The following ZNF829 variants were observed in gnomAD, a reference collection of about 807,000 sequenced individuals.
ZNF829 encodes zinc finger protein 829.
Under a neutral mutation model 35.2 loss-of-function variants are expected in ZNF829, and 25 were observed. That is an observed-to-expected ratio of 0.71 (90% CI 0.52 to 0.99). The LOEUF is 0.99. Among genes scored for constraint, ZNF829 ranks in the 50% least tolerant of loss-of-function variants. The probability of loss-of-function intolerance (pLI) is 0.00; values close to 1 mark genes in which losing one functional copy is unlikely to be tolerated. For synonymous variants in ZNF829, 136 were observed against 163.2 expected (o/e 0.83, Z 1.27); for missense variants, 417 against 515.3 (o/e 0.81, Z 1.85).
chr19:36,909,060 A>C (rs1468976311), intron 3 of ZNF829, among the ~76,000 whole-genome samples: 1 of 152,220 alleles, frequency 6.6e-6, no homozygotes. Flanking sequence ...TACATGTTCC[A>C]TCAAAACTAG....
chr19:36,901,943 C>G (rs896501565), intron 5 of ZNF829: 1 of 759,506 alleles, frequency 1.3e-6, no homozygotes, highest in Admixed American at 1.7e-5. Flanking sequence ...TGATACCAGG[C>G]TCAACAAAGC....
chr19:36,892,041 C>T lies in ZNF829; in HGVS notation c.750G>A (p.Lys250=). 6.2e-7 allele frequency: 1 copy of T among 1,613,142 alleles called. No individual in the cohort carries two copies. The highest frequency in any genetic ancestry group is 1.1e-5 in the South Asian group (1 of 91,000). Residue 250 remains lysine, a synonymous_variant, in exon 6 of 6, where the codon AAG becomes AAA. Coordinates refer to ENST00000391711, the MANE Select transcript of ZNF829 (RefSeq NM_001037232.4). ...YECKECGKAF[K]YCSNLNDHQR... ...GATGATCATTAAGGTTTGAGCAATACTTAAAGGCTTTTCCACATTCCTTAC... is the reference window on the plus strand; with the variant it reads ...GATGATCATTAAGGTTTGAGCAATATTTAAAGGCTTTTCCACATTCCTTAC...
At chr19:36,896,091 C>G (rs191088380) in intron 5 of ZNF829, among the ~76,000 whole-genome samples, 9 of 152,066 alleles carry the variant, frequency 5.9e-5, no homozygotes, top group Admixed American at 2.6e-4. Flanking sequence ...GCAGGCAGAT[C>G]ACGAGGTCAG....
intron 5 of ZNF829, among the ~76,000 whole-genome samples, chr19:36,893,777 A>C (rs145181435): frequency 6.6e-6 from 1 of 152,260 alleles, no homozygotes; most frequent in African/African-American, 2.4e-5. Flanking sequence ...GTCCTCATTT[A>C]ATTACTGAAT....
At position 36,907,925 on chromosome 19, in the gene ZNF829, T is replaced by C; in HGVS notation, c.319+4A>G. On this transcript the variant is annotated splice_donor_region_variant and intron_variant, in intron 5 of 5. Transcript: ENST00000391711. ...CTGCTCCTGAGCCATCATCTCTTACTTACCTGAACACAGGCCTCTAGTCAG... is the reference window on the plus strand; with the variant it reads ...CTGCTCCTGAGCCATCATCTCTTACCTACCTGAACACAGGCCTCTAGTCAG... The C allele has an allele frequency of 6.2e-7, 1 of 1,612,782 alleles. No individual in the cohort carries two copies. Among genetic ancestry groups the C allele is most frequent in the Non-Finnish European group, 8.5e-7 (1 of 1,179,054 alleles).
At chr19:36,902,117 T>A (rs1403525602) in intron 5 of ZNF829, 5 of 375,896 alleles carry the variant, frequency 1.3e-5, no homozygotes, top group African/African-American at 1.1e-4. Context: ...GGATGAGAAC[T>A]AATCACTGAT....
intron 5 of ZNF829, among the ~76,000 whole-genome samples, chr19:36,904,192 C>T (rs1024583110): frequency 6.6e-6 from 1 of 152,088 alleles, no homozygotes; most frequent in African/African-American, 2.4e-5. Context: ...ACAGTGATTA[C>T]GAGAGACCAG....
At chr19:36,912,284 A>G (rs2073270765) in intron 3 of ZNF829, among the ~76,000 whole-genome samples, 1 of 152,220 alleles carries the variant, frequency 6.6e-6, no homozygotes, top group Non-Finnish European at 1.5e-5. Context: ...GACTGAAAAC[A>G]ATCAAAGGAC....
chr19:36,892,323 C>T lies in ZNF829; in HGVS notation c.468G>A (p.Trp156Ter). 4 of 1,613,674 alleles carry T rather than the reference C, an allele frequency of 2.5e-6. No homozygotes were observed. The highest frequency in any genetic ancestry group is 3.4e-6 in the Non-Finnish European group (4 of 1,179,950). Residue 156 changes from tryptophan (W) to a stop codon, truncating the protein, a stop_gained, in exon 6 of 6, where the codon TGG becomes TGA. Transcript: ENST00000391711. LOFTEE classifies it high-confidence loss of function. ...PQKTMSEEKPWECKICGKTFN... is the reference protein window; with the variant it reads ...PQKTMSEEKP ...AGGTCTTTCCACATATCTTACATTC[C>T]CATGGTTTCTCTTCACTCATAGTTT...
intron 5 of ZNF829, among the ~76,000 whole-genome samples, chr19:36,897,345 A>G (rs937308117): frequency 6.6e-6 from 1 of 152,198 alleles, no homozygotes; most frequent in Non-Finnish European, 1.5e-5. Flanking sequence ...CAACAACAAG[A>G]TAATATACAA....
Position 36,915,219 on chromosome 19 carries a change from G to A in ZNF829, c.-52C>T. 6.2e-7 allele frequency: 1 copy of A among 1,613,962 alleles called. No homozygotes were observed. The highest frequency in any genetic ancestry group is 8.5e-7 in the Non-Finnish European group (1 of 1,179,988). On this transcript the variant is annotated 5_prime_UTR_variant, in exon 2 of 6. Coordinates refer to ENST00000391711, the MANE Select transcript of ZNF829 (RefSeq NM_001037232.4). ...AAAGGTTGTGTTCACTGCTGTCCAG[G>A]GTTGGAATCTGACCAGACCTCAGAG...
Position 36,910,799 on chromosome 19 carries a change from G to A in ZNF829, c.97-2340C>T, listed in dbSNP as rs144700551. The stretch of plus-strand genomic sequence containing the variant: ...AGGGGGGTGGATCACCTGAGGTCAG[G>A]AGTTTGTGACCAGCCTAGCCAACAT... On this transcript the variant is annotated intron_variant, in intron 3 of 5. Transcript: ENST00000391711. Among the ~76,000 whole-genome samples, 313 of 152,228 alleles carry A rather than the reference G, an allele frequency of 2.1e-3. 2 individuals are homozygous for A. The highest frequency in any genetic ancestry group is 7.3e-3 in the African/African-American group (305 of 41,558).
intron 5 of ZNF829, chr19:36,907,613 A>G (rs1244692283): frequency 5.2e-6 from 1 of 193,228 alleles, no homozygotes; most frequent in Non-Finnish European, 1.0e-5. Flanking sequence ...ATAAAATGAA[A>G]ACAAGCACAG....
intron 5 of ZNF829, among the ~76,000 whole-genome samples, chr19:36,900,038 G>A (rs987850580): frequency 6.6e-6 from 1 of 151,878 alleles, no homozygotes. Flanking sequence ...GGGCATGGTG[G>A]CTCATGTCTG....
In ZNF829 at chr19:36,915,119, C is replaced by G. The variant is rs753206171; in HGVS notation, c.38+11G>C. On this transcript the variant is annotated intron_variant, in intron 2 of 5. Transcript: ENST00000391711. Reference sequence around the variant, plus strand: ...GTCAAGTAAGAGTTCTTCCCCAGCCCCATTACCCACCACACATGAGGAATG... The same window carrying G: ...GTCAAGTAAGAGTTCTTCCCCAGCCGCATTACCCACCACACATGAGGAATG... The G allele has an allele frequency of 2.5e-6, 4 of 1,614,040 alleles. No individual in the cohort carries two copies. Among genetic ancestry groups the G allele is most frequent in the Non-Finnish European group, 3.4e-6 (4 of 1,180,012 alleles).
At position 36,891,644 on chromosome 19, in the gene ZNF829, T is replaced by C; in HGVS notation, c.1147A>G (p.Asn383Asp). ...IHTDEKPYEC[N>D]ECGKAFNKGS... ...TTATTAAAGGCCTTCCCACATTCAT[T>C]ACATTCATATGGTTTTTCATCTGTA... The change falls in exon 6 of 6, where the codon AAT becomes GAT. Residue 383 changes from asparagine (N) to aspartate (D), a missense_variant. Transcript: ENST00000391711. 6.2e-7 allele frequency: 1 copy of C among 1,613,560 alleles called. No individual in the cohort carries two copies. Among genetic ancestry groups the C allele is most frequent in the Non-Finnish European group, 8.5e-7 (1 of 1,179,834 alleles).
At chr19:36,907,641 C>T (rs2073229606) in intron 5 of ZNF829, 1 of 217,068 alleles carries the variant, frequency 4.6e-6, no homozygotes, top group Admixed American at 6.0e-5. Context: ...AAAAGACACA[C>T]ATGCACTTAC....
At chr19:36,904,592 G>A (rs930926242) in intron 5 of ZNF829, among the ~76,000 whole-genome samples, 1 of 152,024 alleles carries the variant, frequency 6.6e-6, no homozygotes, top group Non-Finnish European at 1.5e-5. Context: ...TAGAGACGGG[G>A]TTTTGCCATG....
Position 36,891,595 on chromosome 19 carries a change from T to C in ZNF829, c.1196A>G (p.Gln399Arg). The C allele has an allele frequency of 6.2e-7, 1 of 1,613,722 alleles. No homozygotes were observed. The highest frequency in any genetic ancestry group is 1.1e-5 in the South Asian group (1 of 91,034). Residue 399 changes from glutamine (Q) to arginine (R), a missense_variant, in exon 6 of 6, where the codon CAG becomes CGG. Coordinates refer to ENST00000391711, the MANE Select transcript of ZNF829 (RefSeq NM_001037232.4). ...GGGTTTCTCACCAGTGTGAATTCTC[T>C]GATGTCGAGTAAGATTTGAGCCTTT... The part of the protein sequence containing the change: ...FNKGSNLTRH[Q>R]RIHTGEKPYD...
Sources: gnomAD v4.1 joint callset for allele counts (sites outside exome capture counted in the v4.1 genomes callset) on GRCh38, gnomAD v4.1.1 for gene constraint, MANE v1.5 for transcripts, NCBI Gene and HGNC (gene_info 2026-07-23, HGNC 2026-07-21) for gene names.